RARB: variants seen among roughly 807,000 people sequenced by gnomAD.
RARB encodes retinoic acid receptor beta.
A neutral mutation model predicts 51.9 loss-of-function variants in RARB; 17 were observed. The ratio of observed to expected loss-of-function variants is 0.33; its 90% CI spans 0.22 to 0.49. The LOEUF (loss-of-function observed/expected upper bound fraction) is 0.49, where lower values mean the gene tolerates loss of function less well. Ranked by LOEUF, RARB falls within the 20% of genes least tolerant of loss-of-function variation. The pLI is 0.99. For missense variants in RARB, 369 were observed against 550.8 expected (o/e 0.67, Z 3.30); for synonymous variants, 215 against 195.4 (o/e 1.10, Z -0.84).
At chr3:25,273,846 C>G (rs2125412637) in intron 5 of RARB, among the ~76,000 whole-genome samples, 1 of 152,328 alleles carries the variant, frequency 6.6e-6, no homozygotes, top group Non-Finnish European at 1.5e-5. Flanking sequence ...AGGCATCCTG[C>G]TTTTAGCAAC....
At chr3:25,439,949 G>C (rs115607423) in intron 1 of RARB, among the ~76,000 whole-genome samples, 1 of 152,144 alleles carries the variant, frequency 6.6e-6, no homozygotes, top group Admixed American at 6.5e-5. Flanking sequence ...ATACAGTGAG[G>C]TTGGGTAGAC....
At chr3:25,219,887 A>G (rs1701908766) in intron 5 of RARB, among the ~76,000 whole-genome samples, 1 of 152,242 alleles carries the variant, frequency 6.6e-6, no homozygotes. Context: ...GGAAAAAATA[A>G]TCTAAGAGCA....
At chr3:25,198,832 G>C (rs1008785006) in intron 5 of RARB, among the ~76,000 whole-genome samples, 3 of 151,868 alleles carry the variant, frequency 2.0e-5, no homozygotes, top group African/African-American at 4.8e-5. Flanking sequence ...CCTCATACAG[G>C]GTTGGAGGGA....
intron 1 of RARB, among the ~76,000 whole-genome samples, chr3:25,444,663 G>A (rs1021611504): frequency 1.3e-5 from 2 of 152,170 alleles, no homozygotes; most frequent in African/African-American, 4.8e-5. Context: ...TTGAACTGCA[G>A]TGTCCAGTAC....
intron 2 of RARB, among the ~76,000 whole-genome samples, chr3:24,896,813 T>C (rs1703489472): frequency 1.3e-5 from 2 of 152,316 alleles, no homozygotes; most frequent in African/African-American, 4.8e-5. Context: ...TATAGTCTCC[T>C]ACAATGGAAA....
At chr3:25,193,903 A>G (rs1701164089) in intron 5 of RARB, among the ~76,000 whole-genome samples, 1 of 43,678 alleles carries the variant, frequency 2.3e-5, no homozygotes, top group Non-Finnish European at 4.6e-5. Flanking sequence ...TTGTATATGT[A>G]ATTAATCAGT....
intron 1 of RARB, among the ~76,000 whole-genome samples, chr3:25,443,484 C>T (rs937689021): frequency 4.0e-5 from 6 of 151,720 alleles, no homozygotes; most frequent in Middle Eastern, 3.4e-3. Context: ...AGCTAAAGCG[C>T]GCCGGTAATC....
intron 5 of RARB, among the ~76,000 whole-genome samples, chr3:25,355,347 A>G (rs1705702222): frequency 6.6e-6 from 1 of 152,076 alleles, no homozygotes; most frequent in African/African-American, 2.4e-5. Context: ...TTCTAAGGGC[A>G]GGGTTTTCCT....
intron 1 of RARB, among the ~76,000 whole-genome samples, chr3:24,836,844 T>C (rs765127022): frequency 3.9e-5 from 6 of 152,236 alleles, no homozygotes; most frequent in Non-Finnish European, 7.3e-5. Flanking sequence ...AGAATGTGAA[T>C]AACGGTAGTA....
At chr3:24,968,025 T>C (rs1247805999) in intron 2 of RARB, among the ~76,000 whole-genome samples, 1 of 152,196 alleles carries the variant, frequency 6.6e-6, no homozygotes, top group Non-Finnish European at 1.5e-5. Flanking sequence ...AATAGCTCTT[T>C]GGAGCTTTGG....
intron 2 of RARB, among the ~76,000 whole-genome samples, chr3:24,965,835 A>G (rs528094931): frequency 3.3e-5 from 5 of 152,268 alleles, no homozygotes; most frequent in African/African-American, 1.2e-4. Context: ...CTGACCCTCC[A>G]GAAAAAAATA....
chr3:24,912,975 C>CTTTTTTTTTTTTTGTTTTTTTTTTTTTTT (rs1695023518), intron 2 of RARB, among the ~76,000 whole-genome samples: 1 of 75,066 alleles, frequency 1.3e-5, no homozygotes, highest in Non-Finnish European at 2.6e-5. Context: ...GGTACTGATT[C>CTTTTTTTTTTTTTGTTTTTTTTTTTTTTT]TTTTTTTTTT....
chr3:25,270,849 A>G (rs1172435570), intron 5 of RARB, among the ~76,000 whole-genome samples: 1 of 152,164 alleles, frequency 6.6e-6, no homozygotes, highest in African/African-American at 2.4e-5. Flanking sequence ...CATTAAAAGC[A>G]ATGGGCATTA....
chr3:24,981,499 C>A (rs945194820), intron 2 of RARB, among the ~76,000 whole-genome samples: 4 of 152,108 alleles, frequency 2.6e-5, no homozygotes, highest in African/African-American at 7.2e-5. Flanking sequence ...CAGTGGACGC[C>A]CCTCCCCCCA....
At chr3:24,874,807 A>G (rs116007039) in intron 2 of RARB, among the ~76,000 whole-genome samples, 2,553 of 151,606 alleles carry the variant, frequency 0.017, 33 homozygotes, top group Non-Finnish European at 0.028. Flanking sequence ...TATATTTTAT[A>G]TTTGTCTTGA....
At chr3:25,121,340 C>T (rs956146738) in intron 3 of RARB, among the ~76,000 whole-genome samples, 1 of 152,118 alleles carries the variant, frequency 6.6e-6, no homozygotes, top group African/African-American at 2.4e-5. Context: ...GAACATTGCT[C>T]ACCTCCTTTT....
At chr3:25,393,777 T>C (rs558318504) in intron 5 of RARB, among the ~76,000 whole-genome samples, 1 of 152,270 alleles carries the variant, frequency 6.6e-6, no homozygotes, top group East Asian at 1.9e-4. Flanking sequence ...TCATTTCTAA[T>C]TGAGCTTATT....
intron 2 of RARB, among the ~76,000 whole-genome samples, chr3:24,962,020 C>T (rs111650325): frequency 0.026 from 3,884 of 146,716 alleles, 165 homozygotes; most frequent in African/African-American, 0.092. Context: ...AGCTCCGCCT[C>T]CCAGGTTCAT....
rs1181772292 is a variant in RARB, at chr3:25,596,547, GCA to G, written c.1281_1282del (p.His427GlnfsTer3). The G allele has an allele frequency of 1.9e-6, 3 of 1,613,894 alleles. No homozygotes were observed. Among genetic ancestry groups the G allele is most frequent in the Admixed American group, 1.7e-5 (1 of 60,018 alleles). ...TPSSSGNTAE[H>X]SPSISPSSVE... The stretch of plus-strand genomic sequence containing the variant: ...CAAGTTCAAGTGGGAACACAGCAGA[GCA>G]CAGTCCTAGCATCTCACCCAGCTCA... On this transcript the variant is annotated frameshift_variant, in exon 8 of 8. Transcript: ENST00000330688. LOFTEE classifies it high-confidence loss of function.
Sources: gnomAD v4.1 joint callset for allele counts (sites outside exome capture counted in the v4.1 genomes callset) on GRCh38, gnomAD v4.1.1 for gene constraint, MANE v1.5 for transcripts, NCBI Gene and HGNC (gene_info 2026-07-23, HGNC 2026-07-21) for gene names.